CREBRF: variants seen among roughly 807,000 people sequenced by gnomAD.
The protein encoded by CREBRF is UPF0474 protein C5orf41.
In CREBRF, 5 loss-of-function variants were observed where a neutral mutation model predicts 66.1. The ratio of observed to expected loss-of-function variants is 0.08; its 90% CI spans 0.04 to 0.16. CREBRF has a LOEUF of 0.16. CREBRF is among the 10% of genes least tolerant of loss of function. The probability of loss-of-function intolerance (pLI) is 1.00; values close to 1 mark genes in which losing one functional copy is unlikely to be tolerated. For missense variants in CREBRF, 531 were observed against 744.9 expected, an observed-to-expected ratio of 0.71 and a Z score of 3.34; for synonymous variants, 229 against 264.4, an observed-to-expected ratio of 0.87 and a Z score of 1.30.
At chr5:173,110,293 AAGTT>A in intron 5 of CREBRF, 1 of 611,164 alleles carries the variant, frequency 1.6e-6, no homozygotes, top group Non-Finnish European at 3.0e-6. Flanking sequence ...AACTTGGAAA[AAGTT>A]AGAACTCTGC....
At chr5:173,065,413 T>G (rs1202762579) in intron 1 of CREBRF, among the ~76,000 whole-genome samples, 1 of 152,158 alleles carries the variant, frequency 6.6e-6, no homozygotes, top group Non-Finnish European at 1.5e-5. Flanking sequence ...CTCTTCAGTC[T>G]GTTCTATGCT....
intron 4 of CREBRF, chr5:173,091,702 T>C: frequency 1.9e-6 from 2 of 1,065,060 alleles, no homozygotes; most frequent in African/African-American, 1.7e-5. Context: ...TGAGGACTTA[T>C]TCTTAATGTA....
chr5:173,091,742 C>G, intron 4 of CREBRF: 1 of 1,010,872 alleles, frequency 9.9e-7, no homozygotes, highest in Non-Finnish European at 1.2e-6. Flanking sequence ...TTTTGTCACT[C>G]TCTTGAGCAT....
intron 1 of CREBRF, among the ~76,000 whole-genome samples, chr5:173,079,680 C>T (rs138858105): frequency 0.027 from 4,053 of 152,180 alleles, 84 homozygotes; most frequent in Middle Eastern, 0.14. Flanking sequence ...TATTAAAAAA[C>T]ATTGCTGGTA....
In CREBRF at chr5:173,108,680, A is replaced by C; in HGVS notation, c.1279A>C (p.Lys427Gln). ...GGAGGTGACTTCAATATCTTCACGG[A>C]AGAGAGGTAAAAGAAGATACTTCTG... ...LKEVTSISSR[K>Q]RGKRRYFWEY... The change falls in exon 5 of 9, where the codon AAG (lysine) becomes CAG (glutamine). Residue 427 changes from lysine (K) to glutamine (Q), a missense_variant. Lys to Gln is a moderately conservative substitution (Grantham distance 53). This residue lies in a region of CREBRF where 309 missense variants were observed against 341.4 expected (regional missense o/e 0.90). Transcript: ENST00000296953. 1 of 1,614,000 alleles carries C rather than the reference A, an allele frequency of 6.2e-7. No homozygotes were observed. The highest frequency in any genetic ancestry group is 8.5e-7 in the Non-Finnish European group (1 of 1,179,964).
chr5:173,071,231 G>C (rs757436331), intron 1 of CREBRF, among the ~76,000 whole-genome samples: 70 of 152,088 alleles, frequency 4.6e-4, no homozygotes, highest in Non-Finnish European at 3.1e-4. Flanking sequence ...GTTTGTTTGA[G>C]ATGGAGTTTT....
At chr5:173,074,030 C>T (rs530978092) in intron 1 of CREBRF, among the ~76,000 whole-genome samples, 6 of 148,400 alleles carry the variant, frequency 4.0e-5, no homozygotes, top group East Asian at 3.9e-4. Context: ...TGGCCGGTTG[C>T]GGTGGCTCAT....
At chr5:173,078,652 G>A (rs763151571) in intron 1 of CREBRF, among the ~76,000 whole-genome samples, 12 of 150,386 alleles carry the variant, frequency 8.0e-5, no homozygotes, top group Non-Finnish European at 1.6e-4. Flanking sequence ...TCTGCCTCCC[G>A]GGTTCACACC....
intron 1 of CREBRF, among the ~76,000 whole-genome samples, chr5:173,078,593 C>T (rs1757841276): frequency 6.7e-6 from 1 of 148,304 alleles, no homozygotes; most frequent in South Asian, 2.1e-4. Flanking sequence ...GGGTCTTGCT[C>T]TGTGGCCCAG....
chr5:173,133,858 G>GT lies in CREBRF; in HGVS notation c.*115dup. On this transcript the variant is annotated 3_prime_UTR_variant, in exon 9 of 9. Transcript: ENST00000296953. Reference sequence around the variant, plus strand: ...GCATTATGTAAACATTTACAATTAGGTTACATTGTTTTAAGAACTAAGTAG... The same window carrying GT: ...GCATTATGTAAACATTTACAATTAGGTTTACATTGTTTTAAGAACTAAGTAG... 3.5e-6 allele frequency: 2 copies of GT among 574,504 alleles called. No individual in the cohort carries two copies. Among genetic ancestry groups the GT allele is most frequent in the Non-Finnish European group, 6.2e-6 (2 of 322,188 alleles). The allele number at this position is 574,504 out of a possible 1,614,324, so 35.6% of individuals were successfully genotyped here.
In CREBRF at chr5:173,059,256, CTTTT is replaced by C. The variant is rs780723745; in HGVS notation, c.-192+2782_-192+2785del. On this transcript the variant is annotated intron_variant, in intron 1 of 8. Transcript: ENST00000296953. ...AGCTTATTTATCAGTTCTTCTTTTTCTTTTTTTTCTTTTTTTTTTTTTTTTGAGA... is the reference window on the plus strand; with the variant it reads ...AGCTTATTTATCAGTTCTTCTTTTTCTTTTCTTTTTTTTTTTTTTTTGAGA... 4.8e-3 allele frequency among the ~76,000 whole-genome samples: 570 copies of C among 117,664 alleles called. 7 individuals carry two copies. The highest frequency in any genetic ancestry group is 0.011 in the Admixed American group (125 of 10,908). 77.2% of individuals were successfully genotyped at this position (117,664 alleles called of 152,430 possible). A position where few individuals can be genotyped will look rare whatever the true frequency, so the allele number is the denominator to read the frequency against.
chr5:173,129,106 C>CTTTTTTTTT lies in CREBRF; in HGVS notation c.1805-4504_1805-4496dup, dbSNP rs70984946. On this transcript the variant is annotated intron_variant, in intron 8 of 8. Coordinates refer to ENST00000296953, the MANE Select transcript of CREBRF (RefSeq NM_153607.3). ...CTGAATCATTTTATATTAGTTACAT[C>CTTTTTTTTT]TTTTTTTTTTTTTTTTTTTTTTTTT... Among the ~76,000 whole-genome samples, 129 of 53,748 alleles carry CTTTTTTTTT rather than the reference C, an allele frequency of 2.4e-3. 19 individuals are homozygous for CTTTTTTTTT. Among genetic ancestry groups the CTTTTTTTTT allele is most frequent in the African/African-American group, 5.7e-3 (70 of 12,290 alleles). The allele number at this position is 53,748 out of a possible 152,430, so 35.3% of individuals were successfully genotyped here.
chr5:173,076,772 A>C (rs1581666768), intron 1 of CREBRF, among the ~76,000 whole-genome samples: 2 of 147,102 alleles, frequency 1.4e-5, no homozygotes, highest in East Asian at 4.0e-4. Flanking sequence ...AAAAAAAGAG[A>C]GTGTTTAGAA....
intron 1 of CREBRF, 41 bp downstream of exon 1, chr5:173,056,520 G>A (rs1341276936): frequency 5.0e-6 from 2 of 398,160 alleles, no homozygotes; most frequent in Non-Finnish European, 8.9e-6. Context: ...CCAGGGGCCT[G>A]GGCTGGGGGA....
At chr5:173,131,861 TA>T (rs1247377059) in intron 8 of CREBRF, among the ~76,000 whole-genome samples, 1 of 152,102 alleles carries the variant, frequency 6.6e-6, no homozygotes, top group African/African-American at 2.4e-5. Context: ...GCCTCCTAAG[TA>T]GCTGGCATTA....
At chr5:173,097,681 T>C (rs1161993996) in intron 4 of CREBRF, among the ~76,000 whole-genome samples, 2 of 152,206 alleles carry the variant, frequency 1.3e-5, no homozygotes, top group African/African-American at 4.8e-5. Context: ...TGTTAGTGTA[T>C]AATTGTTTAT....
intron 6 of CREBRF, among the ~76,000 whole-genome samples, chr5:173,111,643 A>C (rs1758872886): frequency 1.3e-5 from 2 of 152,220 alleles, no homozygotes; most frequent in South Asian, 4.1e-4. Flanking sequence ...GATATACTAC[A>C]GTTTATCCAT....
chr5:173,082,946 A>AAAAAAAAAC (rs1561799560), intron 2 of CREBRF, among the ~76,000 whole-genome samples: 1 of 124,640 alleles, frequency 8.0e-6, no homozygotes, highest in Non-Finnish European at 1.7e-5. Context: ...AAAAAAAAAA[A>AAAAAAAAAC]CCGGGTGCAG....
Position 173,134,201 on chromosome 5 carries a change from C to T in CREBRF, c.*456C>T, listed in dbSNP as rs1422128445. ...ATTAATCTCACTTGTATATGGCACA[C>T]CCAGCACTTGTGCCTGTGGGCCATA... On this transcript the variant is annotated 3_prime_UTR_variant, in exon 9 of 9. Transcript: ENST00000296953. 1 of 151,344 alleles carries T rather than the reference C, an allele frequency of 6.6e-6. No homozygotes were observed. The highest frequency in any genetic ancestry group is 2.4e-5 in the African/African-American group (1 of 41,050). 9.4% of individuals were successfully genotyped at this position (151,344 alleles called of 1,614,324 possible). A position where few individuals can be genotyped will look rare whatever the true frequency, so the allele number is the denominator to read the frequency against.
Sources: gnomAD v4.1 joint callset for allele counts (sites outside exome capture counted in the v4.1 genomes callset) on GRCh38, gnomAD v4.1.1 for gene constraint, gnomAD v4.1.1 regional missense constraint, MANE v1.5 for transcripts, NCBI Gene and HGNC (gene_info 2026-07-23, HGNC 2026-07-21) for gene names.